Variants in EGFLAM observed in about 807,000 individuals in gnomAD.
EGFLAM encodes pikachurin.
Under a neutral mutation model 113.1 loss-of-function variants are expected in EGFLAM, and 79 were observed. The ratio of observed to expected loss-of-function variants is 0.70; its 90% CI spans 0.58 to 0.84. The LOEUF (loss-of-function observed/expected upper bound fraction) is 0.84, where lower values mean the gene tolerates loss of function less well. Ranked by LOEUF, EGFLAM falls within the 40% of genes least tolerant of loss-of-function variation. The probability of loss-of-function intolerance (pLI) is 0.00; values close to 1 mark genes in which losing one functional copy is unlikely to be tolerated. For missense variants in EGFLAM, 1,265 were observed against 1,291.6 expected (o/e 0.98, Z 0.32); for synonymous variants, 504 against 487.6 (o/e 1.03, Z -0.44).
At chr5:38,268,768 C>T (rs1035465951) in intron 1 of EGFLAM, among the ~76,000 whole-genome samples, 2 of 152,178 alleles carry the variant, frequency 1.3e-5, no homozygotes, top group African/African-American at 4.8e-5. Context: ...AAAAACTAAA[C>T]AGTCAAATTG....
chr5:38,270,491 A>G (rs924283783), intron 1 of EGFLAM, among the ~76,000 whole-genome samples: 7 of 70,496 alleles, frequency 9.9e-5, no homozygotes, highest in African/African-American at 7.4e-4. Context: ...ATTAGTTTGG[A>G]AAAAAAAAAA....
intron 3 of EGFLAM, among the ~76,000 whole-genome samples, chr5:38,349,707 G>T (rs1213943427): frequency 6.6e-6 from 1 of 151,432 alleles, no homozygotes; most frequent in Non-Finnish European, 1.5e-5. Flanking sequence ...CAAAGCTCAA[G>T]GTGGAGAAAG....
At chr5:38,359,439 C>T (rs983642474) in intron 5 of EGFLAM, among the ~76,000 whole-genome samples, 6 of 152,142 alleles carry the variant, frequency 3.9e-5, no homozygotes, top group African/African-American at 1.4e-4. Context: ...TAATCCCAGT[C>T]CCAAAGAGGC....
chr5:38,261,878 G>T (rs888687217), intron 1 of EGFLAM, among the ~76,000 whole-genome samples: 1 of 152,170 alleles, frequency 6.6e-6, no homozygotes, highest in African/African-American at 2.4e-5. Flanking sequence ...GGGGATTAAG[G>T]CTGGTGAGGG....
chr5:38,284,881 A>G (rs1347412843), intron 1 of EGFLAM, among the ~76,000 whole-genome samples: 1 of 152,334 alleles, frequency 6.6e-6, no homozygotes, highest in Non-Finnish European at 1.5e-5. Context: ...AATAATAACT[A>G]TGTATATTCA....
chr5:38,355,606 A>G (rs1384449669), intron 5 of EGFLAM, among the ~76,000 whole-genome samples: 1 of 152,206 alleles, frequency 6.6e-6, no homozygotes, highest in Non-Finnish European at 1.5e-5. Flanking sequence ...AAATATGGGA[A>G]AGAGAAGAGC....
chr5:38,421,172 G>A (rs141552522), intron 12 of EGFLAM, among the ~76,000 whole-genome samples: 2 of 152,194 alleles, frequency 1.3e-5, no homozygotes, highest in East Asian at 1.9e-4. Context: ...CACTAAACCC[G>A]TTTTTATTCC....
chr5:38,324,556 G>A (rs1323571457), intron 1 of EGFLAM, among the ~76,000 whole-genome samples: 1 of 152,118 alleles, frequency 6.6e-6, no homozygotes, highest in African/African-American at 2.4e-5. Context: ...AAAGCCTCTG[G>A]TACTTCCTTC....
chr5:38,458,432 G>A (rs1407591326), intron 20 of EGFLAM, 38 bp downstream of exon 20: 2 of 1,601,346 alleles, frequency 1.2e-6, no homozygotes, highest in Non-Finnish European at 1.7e-6. Flanking sequence ...AGCCAGAGCT[G>A]AGCAGTGGTG....
At chr5:38,334,355 G>A (rs754580305) in intron 1 of EGFLAM, among the ~76,000 whole-genome samples, 4 of 152,200 alleles carry the variant, frequency 2.6e-5, no homozygotes, top group African/African-American at 7.2e-5. Context: ...CTAAGACCAA[G>A]GCACCAACAG....
chr5:38,434,331 G>A (rs1328103462), intron 15 of EGFLAM, among the ~76,000 whole-genome samples: 1 of 152,180 alleles, frequency 6.6e-6, no homozygotes, highest in Non-Finnish European at 1.5e-5. Context: ...GTTCTTCCCA[G>A]TGCTGATATC....
At chr5:38,307,534 C>T (rs999238477) in intron 1 of EGFLAM, among the ~76,000 whole-genome samples, 9 of 152,202 alleles carry the variant, frequency 5.9e-5, no homozygotes, top group East Asian at 1.9e-4. Context: ...TTCAGGCCTG[C>T]GGAACTGTGA....
intron 1 of EGFLAM, among the ~76,000 whole-genome samples, chr5:38,276,050 C>T (rs1407119982): frequency 6.6e-6 from 1 of 152,116 alleles, no homozygotes; most frequent in Non-Finnish European, 1.5e-5. Context: ...GACTGGGAAG[C>T]AAAAGATTTA....
chr5:38,352,726 T>A (rs1739663520), intron 5 of EGFLAM, among the ~76,000 whole-genome samples: 2 of 151,676 alleles, frequency 1.3e-5, no homozygotes, highest in South Asian at 4.2e-4. Context: ...CACCTCCAGG[T>A]CTCTACCATA....
intron 15 of EGFLAM, among the ~76,000 whole-genome samples, chr5:38,434,452 C>T (rs925802308): frequency 6.6e-6 from 1 of 152,156 alleles, no homozygotes; most frequent in Admixed American, 6.5e-5. Context: ...GTGGCTGGGG[C>T]ATATTGTAGT....
At position 38,352,329 on chromosome 5, in the gene EGFLAM, C is replaced by T. The variant is rs761876873; in HGVS notation, c.543C>T (p.Ile181=). ...APIQYYSVEF[I]RPDFDKKWTS... is the part of the protein sequence containing the mutation. The stretch of plus-strand genomic sequence containing the variant: ...TTCAGTACTATTCTGTGGAATTCAT[C>T]AGGTAAGTCTGTATGTCACATTCAA... The change falls in exon 5 of 22, where the codon ATC becomes ATT. Residue 181 remains isoleucine, a splice_region_variant and synonymous_variant. Transcript: ENST00000322350. The T allele has an allele frequency of 2.3e-5, 37 of 1,613,906 alleles. No homozygotes were observed. The highest frequency in any genetic ancestry group is 3.1e-5 in the Non-Finnish European group (36 of 1,179,914).
At chr5:38,369,750 G>C (rs1391035695) in intron 5 of EGFLAM, among the ~76,000 whole-genome samples, 1 of 152,170 alleles carries the variant, frequency 6.6e-6, no homozygotes, top group Non-Finnish European at 1.5e-5. Flanking sequence ...TCTCTGAAGG[G>C]CCCTCCAAAG....
intron 13 of EGFLAM, 98 bp from the exon 14 acceptor site, chr5:38,426,911 T>G: frequency 6.6e-7 from 1 of 1,521,416 alleles, no homozygotes; most frequent in Non-Finnish European, 8.8e-7. Context: ...GAATTGTAGT[T>G]TAGGTCTGTA....
chr5:38,329,735 G>A (rs6451383), intron 1 of EGFLAM, among the ~76,000 whole-genome samples: 23,051 of 152,002 alleles, frequency 0.15, 2,084 homozygotes, highest in African/African-American at 0.25. Context: ...TGTCTGCCTC[G>A]TTCCTATGGG....
Sources: gnomAD v4.1 joint callset for allele counts (sites outside exome capture counted in the v4.1 genomes callset) on GRCh38, gnomAD v4.1.1 for gene constraint, MANE v1.5 for transcripts, NCBI Gene and HGNC (gene_info 2026-07-23, HGNC 2026-07-21) for gene names.